Variants in ZNF384 observed in about 807,000 individuals in gnomAD.
ZNF384 encodes the protein zinc finger protein 384, also known as CAG repeat protein 1.
A neutral mutation model predicts 65.0 loss-of-function variants in ZNF384; 20 were observed. That is an observed-to-expected ratio of 0.31 (90% CI 0.22 to 0.45). ZNF384 has a LOEUF of 0.45. Ranked by LOEUF, ZNF384 falls within the 20% of genes least tolerant of loss-of-function variation. The pLI, the probability that ZNF384 is intolerant of heterozygous loss-of-function variation, is 1.00. For synonymous variants in ZNF384, 310 were observed against 303.9 expected (o/e 1.02, Z -0.21); for missense variants, 549 against 769.4 (o/e 0.71, Z 3.39).
intron 6 of ZNF384, among the ~76,000 whole-genome samples, chr12:6,677,705 C>T (rs1954207717): frequency 6.6e-6 from 1 of 152,096 alleles, no homozygotes; most frequent in Admixed American, 6.6e-5. Flanking sequence ...GCTCAGTGTT[C>T]AAATGCGACC....
chr12:6,675,687 G>A (rs781242216), intron 7 of ZNF384, among the ~76,000 whole-genome samples: 5 of 152,146 alleles, frequency 3.3e-5, no homozygotes, highest in Admixed American at 6.6e-5. Context: ...CAATGAGAAC[G>A]GGACCCCTTG....
intron 9 of ZNF384, chr12:6,671,605 CA>C (rs1951516204): frequency 6.6e-6 from 1 of 152,286 alleles, no homozygotes; most frequent in African/African-American, 2.4e-5. Context: ...CTTCTCAAAG[CA>C]AGATGTCTGA....
rs1013147255 is a variant in ZNF384 at position 6,679,400 on chromosome 12, A to G, written c.66+55T>C. The G allele has an allele frequency of 1.2e-5, 19 of 1,529,320 alleles. No homozygotes were observed. In the African/African-American group the frequency reaches 2.3e-4, roughly 19 times the overall value. 94.7% of individuals were successfully genotyped at this position (1,529,320 alleles called of 1,614,324 possible). ...CATGTGGTGTACCTTCAGTCTCCATAGTAACAGAACTTACTACTGAGACTT... is the reference window on the plus strand; with the variant it reads ...CATGTGGTGTACCTTCAGTCTCCATGGTAACAGAACTTACTACTGAGACTT... On this transcript the variant is annotated intron_variant, in intron 3 of 11. Coordinates refer to ENST00000683879, the MANE Select transcript of ZNF384 (RefSeq NM_001385745.1).
chr12:6,679,124 A>G lies in ZNF384; in HGVS notation c.126T>C (p.Cys42=). Residue 42 remains cysteine (C), a synonymous_variant, in exon 4 of 12, where the codon TGT becomes TGC. Transcript: ENST00000683879. ...TGGGGTAGTGAGGTGGGGCCAGACC[A>G]CAGCCCTTCTCTGGCAACAGCTGAT... ...MKDQLLPEKG[C]GLAPPHYPTL... 1 of 1,609,762 alleles carries G rather than the reference A, an allele frequency of 6.2e-7. No individual in the cohort carries two copies. Among genetic ancestry groups the G allele is most frequent in the Non-Finnish European group, 8.5e-7 (1 of 1,177,368 alleles).
rs374962600 is a variant in ZNF384, at chr12:6,668,074, A to G, written c.1467T>C (p.Pro489=). The G allele has an allele frequency of 3.0e-5, 49 of 1,610,070 alleles. No individual in the cohort carries two copies. Among genetic ancestry groups the G allele is most frequent in the Non-Finnish European group, 3.7e-5 (44 of 1,177,458 alleles). ...CTGCCTGCACCTGTTGCTGAAGATC[A>G]GGCGGGTTGTGTTTGCGCATATGTT... ...LMKHMRKHNP[P]DLQQQVQAAA... is the part of the protein sequence containing the mutation. The change falls in exon 12 of 12, where the codon CCT becomes CCC. Residue 489 remains proline (P), a synonymous_variant. Transcript: ENST00000683879.
chr12:6,673,183 C>G lies in ZNF384; in HGVS notation c.1004+33G>C, dbSNP rs762571990. ...GGCAACATGGTCTTAGGGTTCACGG[C>G]CAGGTGGTGGGGTAAACCAAGAGCA... On this transcript the variant is annotated intron_variant, in intron 8 of 11. Coordinates refer to ENST00000683879, the MANE Select transcript of ZNF384 (RefSeq NM_001385745.1). This position sits in a 1 kb window ranked among gnomAD's most constrained non-coding sequence, Gnocchi z 4.7. 29 of 1,600,752 alleles carry G rather than the reference C, an allele frequency of 1.8e-5. No homozygotes were observed. In the South Asian group the frequency reaches 3.1e-4, roughly 17 times the overall value.
At position 6,678,261 on chromosome 12, in the gene ZNF384, G is replaced by GCCACCT. The variant is rs765257796; in HGVS notation, c.546_551dup (p.Gly183_Gly184dup). On this transcript the variant is annotated inframe_insertion, in exon 6 of 12. Coordinates refer to ENST00000683879, the MANE Select transcript of ZNF384 (RefSeq NM_001385745.1). The surrounding 1 kb of genome is among the most constrained non-coding windows in gnomAD (Gnocchi z 4.9). ...CCCGGGGTGGCTTAGGAGCCACACT[G>GCCACCT]CCACCTCCACCACCACCTCCGCCTC... 1 of 1,614,148 alleles carries GCCACCT rather than the reference G, an allele frequency of 6.2e-7. No individual in the cohort carries two copies. Among genetic ancestry groups the GCCACCT allele is most frequent in the Non-Finnish European group, 8.5e-7 (1 of 1,180,032 alleles).
intron 2 of ZNF384, among the ~76,000 whole-genome samples, chr12:6,682,399 G>A (rs1956357850): frequency 6.6e-6 from 1 of 151,854 alleles, no homozygotes; most frequent in African/African-American, 2.4e-5. Context: ...TGGCTCATGT[G>A]TGTAATCCCA....
chr12:6,667,695 T>G lies in ZNF384; in HGVS notation c.*19A>C, dbSNP rs1256148820. The G allele has an allele frequency of 3.1e-6, 5 of 1,614,042 alleles. No individual in the cohort carries two copies. Among genetic ancestry groups the G allele is most frequent in the Non-Finnish European group, 4.2e-6 (5 of 1,180,014 alleles). ...CAGGACTACTTCTTCCTCTTCCCAG[T>G]GGGTGGCAGCACGGATCTCTAAGAG... On this transcript the variant is annotated 3_prime_UTR_variant, in exon 12 of 12. Coordinates refer to ENST00000683879, the MANE Select transcript of ZNF384 (RefSeq NM_001385745.1).
intron 2 of ZNF384, among the ~76,000 whole-genome samples, chr12:6,681,592 C>T (rs1215948295): frequency 6.6e-6 from 1 of 152,154 alleles, no homozygotes; most frequent in Admixed American, 6.5e-5. Flanking sequence ...GAGGCAAACA[C>T]TAAGATACTG....
intron 2 of ZNF384, among the ~76,000 whole-genome samples, chr12:6,682,621 C>G (rs920143269): frequency 6.6e-6 from 1 of 152,108 alleles, no homozygotes; most frequent in Non-Finnish European, 1.5e-5. Context: ...GTCTGGGTAA[C>G]AGAGAGAAAC....
Position 6,678,006 on chromosome 12 carries a change from G to T in ZNF384, c.686+121C>A. 1 of 893,744 alleles carries T rather than the reference G, an allele frequency of 1.1e-6. No individual in the cohort carries two copies. Among genetic ancestry groups the T allele is most frequent in the Non-Finnish European group, 1.7e-6 (1 of 576,122 alleles). The allele number at this position is 893,744 out of a possible 1,614,324, so 55.4% of individuals were successfully genotyped here. On this transcript the variant is annotated intron_variant, in intron 6 of 11. Transcript: ENST00000683879. This position sits in a 1 kb window ranked among gnomAD's most constrained non-coding sequence, Gnocchi z 4.9. ...TGATGGGACACCTGACATGCAAGTG[G>T]CTCAGAGCTGGGAAGCTGTCAGAGT...
chr12:6,674,075 C>A (rs1952587658), intron 7 of ZNF384, among the ~76,000 whole-genome samples: 1 of 152,162 alleles, frequency 6.6e-6, no homozygotes, highest in Non-Finnish European at 1.5e-5. Flanking sequence ...TTGCCCACAG[C>A]CCCTTGACAA....
rs1952179824 is a variant in ZNF384, at chr12:6,673,168, T to C, written c.1004+48A>G. ...AGAGGAGTAGGTGCAGGCAACATGG[T>C]CTTAGGGTTCACGGCCAGGTGGTGG... On this transcript the variant is annotated intron_variant, in intron 8 of 11. Transcript: ENST00000683879. The surrounding 1 kb of genome is among the most constrained non-coding windows in gnomAD (Gnocchi z 4.7). The C allele has an allele frequency of 6.4e-7, 1 of 1,559,482 alleles. No homozygotes were observed. Among genetic ancestry groups the C allele is most frequent in the Non-Finnish European group, 8.8e-7 (1 of 1,136,888 alleles).
intron 2 of ZNF384, among the ~76,000 whole-genome samples, chr12:6,684,928 G>C (rs1359267817): frequency 6.6e-6 from 1 of 152,096 alleles, no homozygotes; most frequent in Non-Finnish European, 1.5e-5. Context: ...CTTTCGTGGA[G>C]GAAATTTCTC....
chr12:6,672,637 C>G lies in ZNF384; in HGVS notation c.1005-105G>C. ...ACGTTGCTTGACGGATGAGAGCACC[C>G]CCTTCCTCCCTCCTCCCAAAAACAC... On this transcript the variant is annotated intron_variant, in intron 8 of 11. Transcript: ENST00000683879. The surrounding 1 kb of genome is among the most constrained non-coding windows in gnomAD (Gnocchi z 4.4). 7.2e-6 allele frequency: 8 copies of G among 1,108,724 alleles called. No homozygotes were observed. The South Asian group carries it at 1.1e-4, about 15-fold the overall frequency. The allele number at this position is 1,108,724 out of a possible 1,614,324, so 68.7% of individuals were successfully genotyped here.
intron 9 of ZNF384, 112 bp from the exon 10 acceptor site, chr12:6,670,950 G>T: frequency 5.7e-6 from 5 of 883,492 alleles, no homozygotes; most frequent in Non-Finnish European, 9.0e-6. Context: ...ACATCAGATG[G>T]GCCTCCAAGA....
At chr12:6,670,376 CATG>C (rs141363029) in intron 10 of ZNF384, among the ~76,000 whole-genome samples, 3,044 of 151,958 alleles carry the variant, frequency 0.02, 118 homozygotes, top group African/African-American at 0.07. Flanking sequence ...TGCAGTGGGC[CATG>C]ATAACACCAC....
chr12:6,675,550 A>G (rs1235428159), intron 7 of ZNF384, among the ~76,000 whole-genome samples: 1 of 152,214 alleles, frequency 6.6e-6, no homozygotes, highest in African/African-American at 2.4e-5. Flanking sequence ...AGAGTCCTCT[A>G]ATGCAAGGTG....
Sources: gnomAD v4.1 joint callset for allele counts (sites outside exome capture counted in the v4.1 genomes callset) on GRCh38, gnomAD v4.1.1 for gene constraint, Gnocchi (gnomAD v3.1) non-coding constraint, MANE v1.5 for transcripts, NCBI Gene and HGNC (gene_info 2026-07-23, HGNC 2026-07-21) for gene names.